OSBP: variants seen among roughly 807,000 people sequenced by gnomAD.
OSBP encodes the protein oxysterol-binding protein 1.
OSBP carries 32 observed loss-of-function variants against 96.6 expected under a neutral mutation model. That is an observed-to-expected ratio of 0.33 (90% CI 0.25 to 0.45). The LOEUF (loss-of-function observed/expected upper bound fraction) is 0.45. Among genes scored for constraint, OSBP ranks in the 20% least tolerant of loss-of-function variants. OSBP has a pLI of 1.00. For missense variants in OSBP, 653 were observed against 1,029.7 expected (o/e 0.63, Z 5.01); for synonymous variants, 369 against 389.6 (o/e 0.95, Z 0.62).
intron 1 of OSBP, among the ~76,000 whole-genome samples, chr11:59,611,155 A>AAAGAAAGAAAG (rs1860841572): frequency 1.4e-5 from 2 of 147,488 alleles, no homozygotes; most frequent in South Asian, 4.3e-4. Flanking sequence ...AAAAAAAAAG[A>AAAGAAAGAAAG]AAGAAAGAAA....
rs558850259 is a variant in OSBP, at chr11:59,592,888, C to T, written c.1678+716G>A. ...TCAGCTCACTGAAACCTCCGCCTCC[C>T]GGGTTCAAGCAATTCTTGTGCCTCA... On this transcript the variant is annotated intron_variant, in intron 9 of 13. Transcript: ENST00000263847. Among the ~76,000 whole-genome samples the T allele has an allele frequency of 6.6e-5, 10 of 152,016 alleles. No individual in the cohort carries two copies. In the South Asian group the frequency reaches 1.0e-3, roughly 16 times the overall value.
intron 7 of OSBP, among the ~76,000 whole-genome samples, chr11:59,595,801 C>T (rs1048364011): frequency 2.0e-5 from 3 of 151,188 alleles, no homozygotes; most frequent in Admixed American, 6.6e-5. Flanking sequence ...AAAATTAGCA[C>T]GGTGTGGTGG....
chr11:59,595,060 G>A (rs1392645109), intron 7 of OSBP: 2 of 154,622 alleles, frequency 1.3e-5, no homozygotes, highest in African/African-American at 4.8e-5. Flanking sequence ...TGGATAGAGA[G>A]AAGTTAACAA....
chr11:59,580,114 G>T (rs1413208975), intron 11 of OSBP, 60 bp downstream of exon 11: 1 of 1,086,422 alleles, frequency 9.2e-7, no homozygotes, highest in Non-Finnish European at 1.4e-6. Context: ...AGTCCTAAAG[G>T]AGTATGCTTT....
At chr11:59,601,232 T>A in intron 5 of OSBP, 51 bp downstream of exon 5, 1 of 1,001,142 alleles carries the variant, frequency 1.0e-6, no homozygotes, top group Non-Finnish European at 1.6e-6. Flanking sequence ...AATACCACCA[T>A]ATTGATGGTG....
At chr11:59,607,126 G>A (rs1293547834) in intron 3 of OSBP, among the ~76,000 whole-genome samples, 2 of 152,212 alleles carry the variant, frequency 1.3e-5, no homozygotes, top group Non-Finnish European at 2.9e-5. Flanking sequence ...GGATTGGGGT[G>A]TTCCTCTGAT....
intron 7 of OSBP, among the ~76,000 whole-genome samples, chr11:59,596,257 A>G (rs1332069523): frequency 2.6e-5 from 4 of 152,154 alleles, no homozygotes; most frequent in Non-Finnish European, 5.9e-5. Flanking sequence ...GGCACTTATT[A>G]ACTACACCCA....
intron 4 of OSBP, 127 bp from the exon 5 acceptor site, chr11:59,601,512 TA>T: frequency 1.7e-6 from 2 of 1,164,702 alleles, no homozygotes; most frequent in Non-Finnish European, 2.5e-6. Flanking sequence ...AAATCCAGAA[TA>T]AATCAATGGG....
intron 10 of OSBP, 84 bp downstream of exon 10, chr11:59,581,367 G>C: frequency 1.5e-6 from 1 of 677,282 alleles, no homozygotes; most frequent in Non-Finnish European, 2.5e-6. Flanking sequence ...TCTGAGACCA[G>C]TTCACATGTC....
intron 3 of OSBP, 113 bp from the exon 4 acceptor site, chr11:59,601,951 A>G (rs1841800130): frequency 1.2e-6 from 1 of 854,898 alleles, no homozygotes; most frequent in Admixed American, 2.8e-5. Flanking sequence ...GCAAATTACA[A>G]TGAAAGACTT....
rs140750172 is a variant in OSBP at position 59,587,590 on chromosome 11, C to A, written c.1678+6014G>T. Among the ~76,000 whole-genome samples, 500 of 152,052 alleles carry A rather than the reference C, an allele frequency of 3.3e-3. 2 individuals carry two copies. The highest frequency in any genetic ancestry group is 5.0e-3 in the Non-Finnish European group (338 of 67,994). On this transcript the variant is annotated intron_variant, in intron 9 of 13. Transcript: ENST00000263847. ...ATAAGTAAGTACATAAAAAAGTGCT[C>A]AACAACACTAATTATTAGATAAATG... is the stretch of plus-strand genomic sequence containing the variant.
intron 7 of OSBP, among the ~76,000 whole-genome samples, chr11:59,597,044 C>T (rs1261979919): frequency 2.6e-5 from 4 of 152,042 alleles, no homozygotes; most frequent in Admixed American, 6.6e-5. Context: ...AGAGAAGTCA[C>T]CTAGACCCAG....
chr11:59,599,404 A>G (rs1304062332), intron 7 of OSBP, among the ~76,000 whole-genome samples: 2 of 152,016 alleles, frequency 1.3e-5, no homozygotes, highest in Non-Finnish European at 2.9e-5. Context: ...TTAAACTGAT[A>G]TATTTTGAAT....
Position 59,594,165 on chromosome 11 carries a change from T to G in OSBP, c.1402A>C (p.Asn468His). 1 of 1,614,146 alleles carries G rather than the reference T, an allele frequency of 6.2e-7. No homozygotes were observed. The highest frequency in any genetic ancestry group is 8.5e-7 in the Non-Finnish European group (1 of 1,180,022). ...ACATAACAGAGCTGTTCTAGAGAAT[T>G]CTCACATTTTGCAGCTCGGTCTAAC... ...ELLDRAAKCE[N>H]SLEQLCYVAA... Residue 468 changes from asparagine to histidine, a missense_variant, in exon 8 of 14, where the codon AAT becomes CAT. By Grantham distance (68) the Asn-to-His change is moderately conservative. Transcript: ENST00000263847.
In OSBP at chr11:59,601,725, C is replaced by T. The variant is rs117772602; in HGVS notation, c.936G>A (p.Ala312=). The T allele has an allele frequency of 1.7e-3, 2,725 of 1,614,110 alleles. 7 individuals carry two copies. The highest frequency in any genetic ancestry group is 2.1e-3 in the Non-Finnish European group (2,503 of 1,180,022). The change falls in exon 4 of 14, where the codon GCG becomes GCA. Residue 312 remains alanine, a synonymous_variant. Transcript: ENST00000263847. ...CCCTCTCCAGGTGATTATGCTGCTT[C>T]GCCAGCTGCTCGAGGGTTTCTTCCA... ...IRLEETLEQL[A]KQHNHLERAF...
intron 9 of OSBP, among the ~76,000 whole-genome samples, chr11:59,590,576 CCAT>C (rs1393053305): frequency 2.6e-5 from 4 of 152,068 alleles, no homozygotes; most frequent in African/African-American, 9.7e-5. Context: ...AATGGCTGAC[CCAT>C]AATGAGCACT....
At position 59,600,894 on chromosome 11, in the gene OSBP, G is replaced by A. The variant is rs186751444; in HGVS notation, c.1125-21C>T. On this transcript the variant is annotated intron_variant, in intron 5 of 13. Coordinates refer to ENST00000263847, the MANE Select transcript of OSBP (RefSeq NM_002556.3). ...TACGTCTGTACAGATGGGAAACACAGGAGAATTAGAACAAAGACCAGAACT... is the reference window on the plus strand; with the variant it reads ...TACGTCTGTACAGATGGGAAACACAAGAGAATTAGAACAAAGACCAGAACT... 4.9e-4 allele frequency: 788 copies of A among 1,608,318 alleles called. 3 individuals are homozygous for A. Among genetic ancestry groups the A allele is most frequent in the East Asian group, 1.6e-4 (7 of 44,848 alleles).
rs560926977 is a variant in OSBP, at chr11:59,574,566, G to C, written c.*2011C>G. On this transcript the variant is annotated 3_prime_UTR_variant, in exon 14 of 14. Transcript: ENST00000263847. ...GCGGGAATCTGATTGGGATCAGCCA[G>C]AAATGTAGTGCAGATGGTGAAGGAA... 87 of 152,662 alleles carry C rather than the reference G, an allele frequency of 5.7e-4. No homozygotes were observed. Among genetic ancestry groups the C allele is most frequent in the African/African-American group, 2.0e-3 (83 of 41,542 alleles). 9.5% of individuals were successfully genotyped at this position (152,662 alleles called of 1,614,324 possible). A position where few individuals can be genotyped will look rare whatever the true frequency, so the allele number is the denominator to read the frequency against.
At chr11:59,585,466 C>T (rs1309804025) in intron 9 of OSBP, among the ~76,000 whole-genome samples, 6 of 149,030 alleles carry the variant, frequency 4.0e-5, no homozygotes, top group Admixed American at 6.7e-5. Flanking sequence ...AGTGAGGAGC[C>T]CCTCCGCCCG....
Sources: allele counts gnomAD v4.1 joint callset (sites outside exome capture counted in the v4.1 genomes callset), GRCh38; gene constraint gnomAD v4.1.1; transcripts MANE v1.5; gene names NCBI Gene and HGNC (gene_info 2026-07-23, HGNC 2026-07-21).